Variants in PIEZO2 observed in about 807,000 individuals in gnomAD.
The protein encoded by PIEZO2 is piezo type mechanosensitive ion channel component 2.
In PIEZO2, 172 loss-of-function variants were observed where a neutral mutation model predicts 337.3. The observed-to-expected ratio is 0.51, with a 90% CI of 0.45 to 0.58. The LOEUF (loss-of-function observed/expected upper bound fraction) is 0.58, where lower values mean the gene tolerates loss of function less well. PIEZO2 is among the 20% of genes least tolerant of loss of function. The pLI is 0.00. For missense variants in PIEZO2, 3,028 were observed against 3,391.3 expected (o/e 0.89, Z 2.66); for synonymous variants, 1,251 against 1,228.5 (o/e 1.02, Z -0.38).
chr18:11,069,406 T>C lies in PIEZO2; in HGVS notation c.65-3184A>G, dbSNP rs2038263060. ...TAGCTGTCAATGTGATACACCACAT[T>C]AACAGAATGAAGAACAAAAGCCATA... On this transcript the variant is annotated intron_variant, in intron 1 of 55. Coordinates refer to ENST00000674853, the MANE Select transcript of PIEZO2 (RefSeq NM_001378183.1). The surrounding 1 kb of genome is among the most constrained non-coding windows in gnomAD (Gnocchi z 4.9). Among the ~76,000 whole-genome samples, 1 of 152,146 alleles carries C rather than the reference T, an allele frequency of 6.6e-6. No individual in the cohort carries two copies. The highest frequency in any genetic ancestry group is 1.5e-5 in the Non-Finnish European group (1 of 68,024).
rs796549884 is a variant in PIEZO2, at chr18:10,870,649, G to T, written c.492+604C>A. On this transcript the variant is annotated intron_variant, in intron 5 of 55. Coordinates refer to ENST00000674853, the MANE Select transcript of PIEZO2 (RefSeq NM_001378183.1). The surrounding 1 kb of genome is among the most constrained non-coding windows in gnomAD (Gnocchi z 5.3). ...GAAAATAGGACAAGCTTCCAATTCA[G>T]CAGTTGCTCCTGAAACCTTTCAACC... Among the ~76,000 whole-genome samples the T allele has an allele frequency of 2.0e-4, 30 of 152,300 alleles. No individual in the cohort carries two copies. The highest frequency in any genetic ancestry group is 7.2e-4 in the African/African-American group (30 of 41,556).
chr18:11,042,504 C>T (rs534119322), intron 2 of PIEZO2, among the ~76,000 whole-genome samples: 4 of 152,368 alleles, frequency 2.6e-5, no homozygotes, highest in East Asian at 1.9e-4. Flanking sequence ...TGACCAGTGT[C>T]GGTTTCTTGT....
intron 2 of PIEZO2, among the ~76,000 whole-genome samples, chr18:11,061,983 G>A (rs956643837): frequency 2.0e-4 from 30 of 152,152 alleles, no homozygotes; most frequent in Admixed American, 1.0e-3. Context: ...AAAGCTGGAG[G>A]CATCATGCTA....
chr18:10,881,358 G>T (rs554698237), intron 4 of PIEZO2, among the ~76,000 whole-genome samples: 1 of 152,306 alleles, frequency 6.6e-6, no homozygotes, highest in South Asian at 2.1e-4. Context: ...AACACACAGT[G>T]CTTTATTCTC....
rs546048760 is a variant in PIEZO2, at chr18:10,919,719, T to C, written c.287-8491A>G. On this transcript the variant is annotated intron_variant, in intron 3 of 55. Coordinates refer to ENST00000674853, the MANE Select transcript of PIEZO2 (RefSeq NM_001378183.1). Reference sequence around the variant, plus strand: ...CATGAATCCTAAATAATTAACTCCATCATCAAATAATGAATTTTCCAAGAT... The same window carrying C: ...CATGAATCCTAAATAATTAACTCCACCATCAAATAATGAATTTTCCAAGAT... Among the ~76,000 whole-genome samples the C allele has an allele frequency of 1.3e-3, 196 of 152,266 alleles. 1 individual carries two copies. The highest frequency in any genetic ancestry group is 4.4e-3 in the African/African-American group (183 of 41,568).
chr18:11,020,212 A>T (rs1382877257), intron 2 of PIEZO2, among the ~76,000 whole-genome samples: 1 of 152,160 alleles, frequency 6.6e-6, no homozygotes, highest in Non-Finnish European at 1.5e-5. Flanking sequence ...GTGACTTTTA[A>T]TTATGTTTTA....
At chr18:10,933,332 T>C (rs925356481) in intron 3 of PIEZO2, among the ~76,000 whole-genome samples, 18 of 152,218 alleles carry the variant, frequency 1.2e-4, no homozygotes, top group African/African-American at 4.1e-4. Context: ...TTTTTGTCTT[T>C]CTCCATTTCT....
rs551000545 is a variant in PIEZO2, at chr18:11,070,634, G to C, written c.65-4412C>G. On this transcript the variant is annotated intron_variant, in intron 1 of 55. Transcript: ENST00000674853. The surrounding 1 kb of genome is among the most constrained non-coding windows in gnomAD (Gnocchi z 4.3). ...ACTGCAAAAGGGAGACTAGACTGTC[G>C]TGACTGCCGGTAAGGATGTCCTTGC... is the stretch of plus-strand genomic sequence containing the variant. Among the ~76,000 whole-genome samples the C allele has an allele frequency of 6.6e-6, 1 of 152,216 alleles. No homozygotes were observed. The highest frequency in any genetic ancestry group is 1.5e-5 in the Non-Finnish European group (1 of 68,044).
chr18:10,818,069 C>A (rs943991034), intron 7 of PIEZO2, among the ~76,000 whole-genome samples: 11 of 151,310 alleles, frequency 7.3e-5, no homozygotes, highest in Non-Finnish European at 1.3e-4. Context: ...GTTTCTCTGT[C>A]CCTTGAAAAA....
chr18:10,942,681 G>A lies in PIEZO2; in HGVS notation c.287-31453C>T, dbSNP rs1169422401. Among the ~76,000 whole-genome samples the A allele has an allele frequency of 4.6e-5, 7 of 152,226 alleles. No homozygotes were observed. Among genetic ancestry groups the A allele is most frequent in the Non-Finnish European group, 4.4e-5 (3 of 68,042 alleles). On this transcript the variant is annotated intron_variant, in intron 3 of 55. Transcript: ENST00000674853. This position sits in a 1 kb window ranked among gnomAD's most constrained non-coding sequence, Gnocchi z 4.4. ...AAAAAAGAAAATCCCATTTTCTGTG[G>A]AGAAAATCAAGCCACCTGCAGAAAT... is the stretch of plus-strand genomic sequence containing the variant.
At chr18:10,935,768 T>G (rs2032356274) in intron 3 of PIEZO2, among the ~76,000 whole-genome samples, 1 of 152,266 alleles carries the variant, frequency 6.6e-6, no homozygotes, top group East Asian at 1.9e-4. Flanking sequence ...TCACTCCACC[T>G]TCTCTCATCT....
Position 10,697,772 on chromosome 18 carries a change from T to C in PIEZO2, c.6803A>G (p.Lys2268Arg). Residue 2268 changes from lysine (K) to arginine (R), a missense_variant, in exon 45 of 56, where the codon AAA (lysine) becomes AGA (arginine). Lys to Arg is a conservative substitution (Grantham distance 26). This residue lies in a region of PIEZO2 where 1,925 missense variants were observed against 2,051.9 expected (regional missense o/e 0.94). Transcript: ENST00000674853. Reference protein sequence around the residue: ...YMEKLQEHLIKAKAFTIKKTL... With the variant: ...YMEKLQEHLIRAKAFTIKKTL... ...CTTCTTTATGGTAAAGGCTTTTGCT[T>C]TGATTAAATGTTCTTGAAGCTTTTC... The C allele has an allele frequency of 6.2e-7, 1 of 1,614,160 alleles. No homozygotes were observed. Among genetic ancestry groups the C allele is most frequent in the South Asian group, 1.1e-5 (1 of 91,062 alleles).
Position 10,858,321 on chromosome 18 carries a change from CAAAAAAAAAAAA to C in PIEZO2, c.493-1122_493-1111del, listed in dbSNP as rs11361243. Among the ~76,000 whole-genome samples, 7 of 56,364 alleles carry C rather than the reference CAAAAAAAAAAAA, an allele frequency of 1.2e-4. No homozygotes were observed. The South Asian group carries it at 2.9e-3, about 24-fold the overall frequency. 37.0% of individuals were successfully genotyped at this position (56,364 alleles called of 152,430 possible). ...CTGGCGACAGAGCGAGACTTCAACC[CAAAAAAAAAAAA>C]AAAAAAAAAAAAAAGAAAAGAAAAG... On this transcript the variant is annotated intron_variant, in intron 5 of 55. Coordinates refer to ENST00000674853, the MANE Select transcript of PIEZO2 (RefSeq NM_001378183.1).
At chr18:10,790,520 C>T (rs1289502758) in intron 14 of PIEZO2, among the ~76,000 whole-genome samples, 2 of 152,094 alleles carry the variant, frequency 1.3e-5, no homozygotes, top group Non-Finnish European at 2.9e-5. Flanking sequence ...ACATCATCAT[C>T]CTCTGTTTTT....
rs868805728 is a variant in PIEZO2, at chr18:10,966,580, T to G, written c.286+12955A>C. On this transcript the variant is annotated intron_variant, in intron 3 of 55. Transcript: ENST00000674853. ...GGAGCCCTCAATATTGAGTGCAGAT[T>G]GAATCACTGGAGTAGCTGTTATTTT... Among the ~76,000 whole-genome samples the G allele has an allele frequency of 1.2e-4, 19 of 152,230 alleles. No homozygotes were observed. In the South Asian group the frequency reaches 3.7e-3, roughly 30 times the overall value.
chr18:10,926,305 G>A (rs264267), intron 3 of PIEZO2, among the ~76,000 whole-genome samples: 74,542 of 152,076 alleles, frequency 0.49, 18,457 homozygotes, highest in South Asian at 0.66. Flanking sequence ...GCTTGGCATC[G>A]CCCATGGTAG....
chr18:10,833,992 G>A lies in PIEZO2; in HGVS notation c.917+21361C>T, dbSNP rs1196390491. Reference sequence around the variant, plus strand: ...ATTTAGAATACAGGCTTCAGAATTAGAGTTTTAAACATTTTAAGCTAATTT... The same window carrying A: ...ATTTAGAATACAGGCTTCAGAATTAAAGTTTTAAACATTTTAAGCTAATTT... On this transcript the variant is annotated intron_variant, in intron 7 of 55. Transcript: ENST00000674853. The surrounding 1 kb of genome is among the most constrained non-coding windows in gnomAD (Gnocchi z 4.7). 6.6e-6 allele frequency among the ~76,000 whole-genome samples: 1 copy of A among 152,170 alleles called. No individual in the cohort carries two copies. The highest frequency in any genetic ancestry group is 1.5e-5 in the Non-Finnish European group (1 of 68,028).
At chr18:10,789,418 C>T (rs1292116716) in intron 14 of PIEZO2, 53 bp from the exon 15 acceptor site, 7 of 1,483,888 alleles carry the variant, frequency 4.7e-6, no homozygotes, top group African/African-American at 1.4e-5. Flanking sequence ...GTGCAGACCA[C>T]ACTTTGACCA....
chr18:10,974,802 A>T (rs1444137246), intron 3 of PIEZO2, among the ~76,000 whole-genome samples: 3 of 152,228 alleles, frequency 2.0e-5, no homozygotes, highest in African/African-American at 4.8e-5. Flanking sequence ...GACTACACAA[A>T]GGCATAGCCC....
Sources: gnomAD v4.1 joint callset for allele counts (sites outside exome capture counted in the v4.1 genomes callset) on GRCh38, gnomAD v4.1.1 for gene constraint, gnomAD v4.1.1 regional missense constraint, Gnocchi (gnomAD v3.1) non-coding constraint, MANE v1.5 for transcripts, NCBI Gene and HGNC (gene_info 2026-07-23, HGNC 2026-07-21) for gene names.